Variants in ZNF804A observed in about 807,000 individuals in gnomAD.
ZNF804A encodes the protein zinc finger protein 804A.
A neutral mutation model predicts 16.5 loss-of-function variants in ZNF804A; 2 were observed. The observed-to-expected ratio is 0.12, with a 90% confidence interval of 0.05 to 0.38. The LOEUF is 0.38. ZNF804A is among the 10% of genes least tolerant of loss of function. The probability of loss-of-function intolerance (pLI) is 0.99; values close to 1 mark genes in which losing one functional copy is unlikely to be tolerated. For missense variants in ZNF804A, 1,473 were observed against 1,390.7 expected, an observed-to-expected ratio of 1.06 and a Z score of -0.94; for synonymous variants, 534 against 489.6, an observed-to-expected ratio of 1.09 and a Z score of -1.20.
chr2:184,852,954 G>A (rs1159949170), intron 1 of ZNF804A, among the ~76,000 whole-genome samples: 1 of 151,618 alleles, frequency 6.6e-6, no homozygotes, highest in Non-Finnish European at 1.5e-5. Flanking sequence ...ATAAATTTAG[G>A]ATTTTTTTTC....
chr2:184,787,073 G>T (rs923863088), intron 1 of ZNF804A, among the ~76,000 whole-genome samples: 1 of 151,714 alleles, frequency 6.6e-6, no homozygotes, highest in African/African-American at 2.4e-5. Context: ...AATATTGATC[G>T]TTGTACCCAA....
chr2:184,927,178 T>C (rs1423515192), intron 2 of ZNF804A, among the ~76,000 whole-genome samples: 2 of 152,238 alleles, frequency 1.3e-5, no homozygotes, highest in African/African-American at 2.4e-5. Context: ...GGACTGTATG[T>C]TGTGAACTAA....
At chr2:184,602,934 G>A (rs12693382) in intron 1 of ZNF804A, among the ~76,000 whole-genome samples, 19,081 of 152,020 alleles carry the variant, frequency 0.13, 1,270 homozygotes, top group Middle Eastern at 0.24. Flanking sequence ...CTGTTTGGTC[G>A]AAGGCACTTT....
intron 1 of ZNF804A, among the ~76,000 whole-genome samples, chr2:184,719,074 C>G (rs1231656199): frequency 6.6e-6 from 1 of 152,194 alleles, no homozygotes; most frequent in East Asian, 1.9e-4. Flanking sequence ...TGAAAACTAG[C>G]TGGAGGTTCT....
At chr2:184,873,895 A>G (rs1040921958) in intron 2 of ZNF804A, among the ~76,000 whole-genome samples, 1 of 152,148 alleles carries the variant, frequency 6.6e-6, no homozygotes, top group Non-Finnish European at 1.5e-5. Context: ...TGATTTAGCA[A>G]CTCAGGAAAA....
Position 184,938,219 on chromosome 2 carries a change from G to A in ZNF804A, c.2823G>A (p.Glu941=). 1 of 1,614,054 alleles carries A rather than the reference G, an allele frequency of 6.2e-7. No individual in the cohort carries two copies. The highest frequency in any genetic ancestry group is 8.5e-7 in the Non-Finnish European group (1 of 1,180,018). The change falls in exon 4 of 4, where the codon GAG becomes GAA. Residue 941 remains glutamate, a synonymous_variant. Transcript: ENST00000302277. ...NTLLEHKERS[E]NINLNEKQIP... is the part of the protein sequence containing the mutation. ...TGCTTGAACACAAAGAAAGAAGTGA[G>A]AATATAAATCTTAATGAAAAGCAAA...
intron 2 of ZNF804A, among the ~76,000 whole-genome samples, chr2:184,893,900 C>T (rs1685024480): frequency 1.3e-5 from 2 of 152,120 alleles, no homozygotes; most frequent in African/African-American, 4.8e-5. Context: ...GATTCTGTAA[C>T]TCCATACTTT....
At chr2:184,646,311 T>C (rs1270202954) in intron 1 of ZNF804A, among the ~76,000 whole-genome samples, 1 of 152,168 alleles carries the variant, frequency 6.6e-6, no homozygotes, top group Non-Finnish European at 1.5e-5. Flanking sequence ...ACAGCTGTAG[T>C]TTCTCTTCGG....
At chr2:184,611,914 G>A (rs1178824153) in intron 1 of ZNF804A, among the ~76,000 whole-genome samples, 1 of 152,170 alleles carries the variant, frequency 6.6e-6, no homozygotes, top group African/African-American at 2.4e-5. Flanking sequence ...ACATGGATAA[G>A]ATATTGCTGA....
At chr2:184,765,664 C>A (rs989283570) in intron 1 of ZNF804A, among the ~76,000 whole-genome samples, 18 of 144,590 alleles carry the variant, frequency 1.2e-4, no homozygotes, top group African/African-American at 4.6e-4. Context: ...AGTCGGGGAG[C>A]TCAGCTTTTG....
intron 1 of ZNF804A, among the ~76,000 whole-genome samples, chr2:184,651,066 A>C (rs72899906): frequency 0.11 from 16,633 of 152,186 alleles, 1,179 homozygotes; most frequent in Non-Finnish European, 0.16. Context: ...ATTATAGCCA[A>C]AACAGCATGG....
At chr2:184,757,603 AAC>A (rs1693978948) in intron 1 of ZNF804A, among the ~76,000 whole-genome samples, 1 of 151,990 alleles carries the variant, frequency 6.6e-6, no homozygotes, top group African/African-American at 2.4e-5. Context: ...GGAAAATTAT[AAC>A]ACAATGCAAT....
chr2:184,845,361 C>G (rs570979056), intron 1 of ZNF804A, among the ~76,000 whole-genome samples: 1 of 152,112 alleles, frequency 6.6e-6, no homozygotes, highest in Non-Finnish European at 1.5e-5. Context: ...CTCTTAATGT[C>G]TCTATCTCTC....
chr2:184,829,929 CA>C (rs1225922566), intron 1 of ZNF804A, among the ~76,000 whole-genome samples: 14,720 of 72,496 alleles, frequency 0.2, 1,027 homozygotes, highest in South Asian at 0.25. Flanking sequence ...AAAACAAAAA[CA>C]AAAAAAAAAA....
At chr2:184,916,091 A>G (rs952824992) in intron 2 of ZNF804A, among the ~76,000 whole-genome samples, 6 of 152,282 alleles carry the variant, frequency 3.9e-5, no homozygotes, top group African/African-American at 1.4e-4. Flanking sequence ...TAATTCTTTC[A>G]TGGTATTACT....
At position 184,803,532 on chromosome 2, in the gene ZNF804A, A is replaced by G. The variant is rs548742656; in HGVS notation, c.112-62837A>G. Reference sequence around the variant, plus strand: ...TGTCCAGAACTATATGTGAATTATCATATGTGCTAGATACCCTGTTGTTGA... The same window carrying G: ...TGTCCAGAACTATATGTGAATTATCGTATGTGCTAGATACCCTGTTGTTGA... On this transcript the variant is annotated intron_variant, in intron 1 of 3. Coordinates refer to ENST00000302277, the MANE Select transcript of ZNF804A (RefSeq NM_194250.2). Among the ~76,000 whole-genome samples, 13 of 152,252 alleles carry G rather than the reference A, an allele frequency of 8.5e-5. No individual in the cohort carries two copies. In the East Asian group the frequency reaches 2.5e-3, roughly 29 times the overall value.
chr2:184,652,820 C>G (rs1692011034), intron 1 of ZNF804A, among the ~76,000 whole-genome samples: 1 of 151,992 alleles, frequency 6.6e-6, no homozygotes, highest in Non-Finnish European at 1.5e-5. Flanking sequence ...GCAGTTCCCC[C>G]ATGCTGTTCT....
chr2:184,763,630 CTTTTTTTTTTTTTTTTTTT>C (rs1188087789), intron 1 of ZNF804A, among the ~76,000 whole-genome samples: 1 of 21,256 alleles, frequency 4.7e-5, no homozygotes, highest in Non-Finnish European at 7.8e-5. Context: ...CTTCAAAGTG[CTTTTTTTTTTTTTTTTTTT>C]TTTTTTTTTT....
At chr2:184,886,369 G>A (rs569456395) in intron 2 of ZNF804A, among the ~76,000 whole-genome samples, 1 of 152,302 alleles carries the variant, frequency 6.6e-6, no homozygotes, top group East Asian at 1.9e-4. Context: ...TCACAGGCTG[G>A]CATTGGAGTG....
Sources: allele counts gnomAD v4.1 joint callset (sites outside exome capture counted in the v4.1 genomes callset), GRCh38; gene constraint gnomAD v4.1.1; transcripts MANE v1.5; gene names NCBI Gene and HGNC (gene_info 2026-07-23, HGNC 2026-07-21).